Variants in NOL4 observed in about 807,000 individuals in gnomAD.
NOL4 encodes the protein cancer/testis antigen 125.
Under a neutral mutation model 75.9 loss-of-function variants are expected in NOL4, and 17 were observed. The ratio of observed to expected loss-of-function variants is 0.22; its 90% CI spans 0.15 to 0.34. NOL4 has a LOEUF of 0.34. NOL4 is among the 10% of genes least tolerant of loss of function. The pLI, the probability that NOL4 is intolerant of heterozygous loss-of-function variation, is 1.00. For synonymous variants in NOL4, 292 were observed against 289.9 expected (o/e 1.01, Z -0.07); for missense variants, 614 against 793.5 (o/e 0.77, Z 2.72).
At chr18:34,016,195 ATT>A (rs2074682854) in intron 6 of NOL4, among the ~76,000 whole-genome samples, 1 of 152,006 alleles carries the variant, frequency 6.6e-6, no homozygotes. Context: ...ATGTTCAGTA[ATT>A]TTTTGTACTA....
chr18:34,121,045 A>G (rs889814897), intron 2 of NOL4, among the ~76,000 whole-genome samples: 2 of 152,248 alleles, frequency 1.3e-5, no homozygotes, highest in African/African-American at 4.8e-5. Context: ...TTGTCATAAC[A>G]GAGAATTCTT....
intron 5 of NOL4, among the ~76,000 whole-genome samples, chr18:34,089,758 C>A (rs956446086): frequency 6.6e-6 from 1 of 152,160 alleles, no homozygotes; most frequent in Non-Finnish European, 1.5e-5. Context: ...AGAAGGGGAG[C>A]TAAGAACATG....
chr18:33,892,751 A>G (rs866024321), intron 9 of NOL4, among the ~76,000 whole-genome samples: 6 of 151,902 alleles, frequency 3.9e-5, no homozygotes, highest in African/African-American at 1.5e-4. Flanking sequence ...TCAAACTCCC[A>G]GGCTCAAGTG....
At chr18:34,002,270 C>T (rs1769981108) in intron 6 of NOL4, among the ~76,000 whole-genome samples, 1 of 151,908 alleles carries the variant, frequency 6.6e-6, no homozygotes, top group Non-Finnish European at 1.5e-5. Flanking sequence ...CCAGTAGCCC[C>T]CCCATTCTCC....
intron 1 of NOL4, among the ~76,000 whole-genome samples, chr18:34,155,004 T>C (rs1026172020): frequency 5.3e-5 from 8 of 152,024 alleles, no homozygotes; most frequent in Non-Finnish European, 1.2e-4. Context: ...CCCTTTTTCT[T>C]ATAGTTCTCT....
At chr18:34,161,490 C>T (rs988973936) in intron 1 of NOL4, among the ~76,000 whole-genome samples, 20 of 152,242 alleles carry the variant, frequency 1.3e-4, no homozygotes, top group Middle Eastern at 3.4e-3. Flanking sequence ...CCTTCTTCTC[C>T]ACGACCTCTC....
At chr18:33,864,070 G>A (rs944679809) in intron 10 of NOL4, among the ~76,000 whole-genome samples, 1 of 152,262 alleles carries the variant, frequency 6.6e-6, no homozygotes, top group Admixed American at 6.5e-5. Flanking sequence ...CTGGGATGCA[G>A]GGCACCAAGT....
rs554801045 is a variant in NOL4 at position 34,130,018 on chromosome 18, A to T, written c.267T>A (p.Asp89Glu). ...QVLYVPVKTT[D>E]GVGVDEKLSL... is the part of the protein sequence containing the mutation. ...ATAGCTTCTCATCTACCCCTACGCCATCCTGGAAACAAAACAACAACAACA... is the reference window on the plus strand; with the variant it reads ...ATAGCTTCTCATCTACCCCTACGCCTTCCTGGAAACAAAACAACAACAACA... Residue 89 changes from aspartate to glutamate, a missense_variant and splice_region_variant, in exon 2 of 11, where the codon GAT becomes GAA. Asp to Glu is a conservative substitution (Grantham distance 45, BLOSUM62 2). Coordinates refer to ENST00000261592, the MANE Select transcript of NOL4 (RefSeq NM_003787.5). The T allele has an allele frequency of 5.2e-6, 8 of 1,548,772 alleles. No homozygotes were observed. In the Admixed American group the frequency reaches 1.6e-4, roughly 31 times the overall value.
intron 9 of NOL4, among the ~76,000 whole-genome samples, chr18:33,889,345 C>A (rs1481111389): frequency 6.6e-6 from 1 of 152,028 alleles, no homozygotes; most frequent in Non-Finnish European, 1.5e-5. Context: ...CTGAATACAG[C>A]AATAACAGGT....
intron 10 of NOL4, among the ~76,000 whole-genome samples, chr18:33,880,574 C>A (rs2064205152): frequency 6.6e-6 from 1 of 152,004 alleles, no homozygotes; most frequent in Non-Finnish European, 1.5e-5. Context: ...ACACTGCTGA[C>A]CGAGCATGCC....
intron 1 of NOL4, among the ~76,000 whole-genome samples, chr18:34,154,278 A>G (rs77946956): frequency 0.034 from 5,206 of 152,158 alleles, 93 homozygotes; most frequent in Middle Eastern, 0.048. Context: ...TGCACAAAAT[A>G]TAAGTATAAA....
intron 9 of NOL4, among the ~76,000 whole-genome samples, chr18:33,926,118 C>G (rs2067306618): frequency 6.6e-6 from 1 of 151,886 alleles, no homozygotes; most frequent in African/African-American, 2.4e-5. Flanking sequence ...TCCCAGCACT[C>G]TGGGAGCCCG....
intron 1 of NOL4, among the ~76,000 whole-genome samples, chr18:34,144,347 G>A (rs972366779): frequency 2.6e-5 from 4 of 152,080 alleles, no homozygotes; most frequent in African/African-American, 9.7e-5. Context: ...GTAAATGACA[G>A]ATTCACTGAA....
chr18:34,034,549 G>A (rs2075794701), intron 5 of NOL4, among the ~76,000 whole-genome samples: 1 of 152,110 alleles, frequency 6.6e-6, no homozygotes, highest in African/African-American at 2.4e-5. Context: ...GACCAGCCTG[G>A]CCAACACAGC....
At chr18:34,036,573 T>C (rs951022743) in intron 5 of NOL4, among the ~76,000 whole-genome samples, 1 of 152,194 alleles carries the variant, frequency 6.6e-6, no homozygotes, top group African/African-American at 2.4e-5. Context: ...ACTTTCATCA[T>C]TCCTATTCAA....
chr18:34,104,445 T>G (rs2079177094), intron 3 of NOL4, among the ~76,000 whole-genome samples: 1 of 152,022 alleles, frequency 6.6e-6, no homozygotes, highest in Admixed American at 6.6e-5. Flanking sequence ...ATTATTTGTA[T>G]TTTTCTTCTT....
At chr18:33,857,755 G>T (rs2062902567) in intron 10 of NOL4, among the ~76,000 whole-genome samples, 1 of 152,066 alleles carries the variant, frequency 6.6e-6, no homozygotes, top group Non-Finnish European at 1.5e-5. Context: ...TTTTAACCAT[G>T]AATGAAATAC....
intron 2 of NOL4, among the ~76,000 whole-genome samples, chr18:34,116,970 C>A (rs2145801386): frequency 6.6e-6 from 1 of 152,196 alleles, no homozygotes; most frequent in Non-Finnish European, 1.5e-5. Context: ...TATAAACCTG[C>A]AAACCTCTGG....
At chr18:34,216,669 TGTA>T (rs2036913850) in intron 1 of NOL4, among the ~76,000 whole-genome samples, 8 of 150,044 alleles carry the variant, frequency 5.3e-5, no homozygotes, top group Non-Finnish European at 1.2e-4. Context: ...TGAAATGAAA[TGTA>T]AACCAGGATC....
Sources: allele counts gnomAD v4.1 joint callset (sites outside exome capture counted in the v4.1 genomes callset), GRCh38; gene constraint gnomAD v4.1.1; transcripts MANE v1.5; gene names NCBI Gene and HGNC (gene_info 2026-07-23, HGNC 2026-07-21).